NPRL3: variants seen among roughly 807,000 people sequenced by gnomAD.
NPRL3 encodes the protein NPR3 like, GATOR1 complex subunit, also known as GATOR1 complex protein NPRL3.
In NPRL3, 23 loss-of-function variants were observed where a neutral mutation model predicts 57.2. The ratio of observed to expected loss-of-function variants is 0.40; its 90% CI spans 0.29 to 0.57. The LOEUF is 0.57. NPRL3 is among the 20% of genes least tolerant of loss of function. NPRL3 has a pLI of 0.42. For synonymous variants in NPRL3, 333 were observed against 321.1 expected (o/e 1.04, Z -0.39); for missense variants, 691 against 767.1 (o/e 0.90, Z 1.17).
At chr16:138,106 G>GGCGGCCCCCGCGAGCGC in intron 2 of NPRL3, 44 bp downstream of exon 2, 1 of 1,487,800 alleles carries the variant, frequency 6.7e-7, no homozygotes, top group Non-Finnish European at 9.2e-7. Context: ...CCCGGAATGA[G>GGCGGCCCCCGCGAGCGC]GCGGCCCCCG....
intron 2 of NPRL3, among the ~76,000 whole-genome samples, chr16:133,608 C>G (rs994205518): frequency 3.9e-5 from 6 of 152,208 alleles, no homozygotes; most frequent in African/African-American, 1.4e-4. Flanking sequence ...TGGGCTCAAG[C>G]AATTTTCCTG....
chr16:95,395 A>G (rs1230057845), intron 9 of NPRL3, among the ~76,000 whole-genome samples: 1 of 150,512 alleles, frequency 6.6e-6, no homozygotes, highest in African/African-American at 2.4e-5. Flanking sequence ...AATAAAATGT[A>G]TATATACAGA....
intron 2 of NPRL3, among the ~76,000 whole-genome samples, chr16:133,837 C>T (rs1337282865): frequency 6.6e-6 from 1 of 152,162 alleles, no homozygotes; most frequent in East Asian, 1.9e-4. Flanking sequence ...CTTTATTTCA[C>T]TTGAACCCTT....
intron 10 of NPRL3, 173 bp from the exon 11 acceptor site, chr16:92,898 T>TC: frequency 1.3e-6 from 1 of 742,044 alleles, no homozygotes; most frequent in Non-Finnish European, 2.2e-6. Flanking sequence ...CCTGGGCACT[T>TC]CCCCTTGAGC....
chr16:129,311 G>A (rs1464123696), intron 3 of NPRL3, among the ~76,000 whole-genome samples: 1 of 152,126 alleles, frequency 6.6e-6, no homozygotes, highest in South Asian at 2.1e-4. Flanking sequence ...AGGGGCAAAA[G>A]CATTCTATAT....
At chr16:118,232 C>T (rs1596527890) in intron 4 of NPRL3, among the ~76,000 whole-genome samples, 2 of 149,730 alleles carry the variant, frequency 1.3e-5, no homozygotes, top group African/African-American at 5.1e-5. Context: ...CTGTGTTCGA[C>T]CCTTCAGAAT....
chr16:110,968 A>G (rs1022883237), intron 6 of NPRL3, among the ~76,000 whole-genome samples: 1 of 152,230 alleles, frequency 6.6e-6, no homozygotes, highest in Non-Finnish European at 1.5e-5. Context: ...ACATAGACTT[A>G]AAATAAAATT....
intron 7 of NPRL3, among the ~76,000 whole-genome samples, chr16:108,770 A>C (rs1899645067): frequency 6.6e-6 from 1 of 151,968 alleles, no homozygotes; most frequent in Admixed American, 6.6e-5. Flanking sequence ...TCCTAGATTT[A>C]AGTGATTCTT....
chr16:138,363 G>C, intron 1 of NPRL3, 29 bp from the exon 2 acceptor site: 1 of 987,404 alleles, frequency 1.0e-6, no homozygotes, highest in Non-Finnish European at 1.5e-6. Flanking sequence ...GAGGCGGAGG[G>C]GGCCTGAGGA....
chr16:132,433 C>T (rs1287419437), intron 2 of NPRL3, among the ~76,000 whole-genome samples: 1 of 152,202 alleles, frequency 6.6e-6, no homozygotes, highest in Non-Finnish European at 1.5e-5. Context: ...TTGCTATTTC[C>T]ACCATATCTG....
intron 13 of NPRL3, 48 bp downstream of exon 13, chr16:88,650 C>T: frequency 6.5e-7 from 1 of 1,537,136 alleles, no homozygotes; most frequent in African/African-American, 1.4e-5. Flanking sequence ...CACTTTCTGC[C>T]CTGACCCTGC....
Position 86,463 on chromosome 16 carries a change from C to T in NPRL3, c.*242G>A, listed in dbSNP as rs931410489. On this transcript the variant is annotated 3_prime_UTR_variant, in exon 14 of 14. Transcript: ENST00000611875. ...CCCCCCTCCAGCGTGGAGATGCCTA[C>T]GCGTGCGGCAAGGACTGGAGGGAAG... The T allele has an allele frequency of 1.4e-5, 7 of 501,862 alleles. No individual in the cohort carries two copies. Among genetic ancestry groups the T allele is most frequent in the East Asian group, 3.2e-5 (1 of 31,678 alleles). 31.1% of individuals were successfully genotyped at this position (501,862 alleles called of 1,614,324 possible).
intron 6 of NPRL3, among the ~76,000 whole-genome samples, chr16:111,477 C>G (rs1899811482): frequency 2.0e-5 from 3 of 151,558 alleles, no homozygotes; most frequent in African/African-American, 7.3e-5. Context: ...GAGACAGGGT[C>G]TCACTCTGTC....
chr16:134,153 T>A (rs150486876), intron 2 of NPRL3, among the ~76,000 whole-genome samples: 1 of 152,026 alleles, frequency 6.6e-6, no homozygotes, highest in Non-Finnish European at 1.5e-5. Context: ...CTGACAGACT[T>A]GCTGGACACA....
In NPRL3 at chr16:92,587, G is replaced by C. The variant is rs771260369; in HGVS notation, c.1161+9C>G. The C allele has an allele frequency of 4.3e-6, 7 of 1,612,452 alleles. No individual in the cohort carries two copies. Among genetic ancestry groups the C allele is most frequent in the Non-Finnish European group, 5.1e-6 (6 of 1,179,298 alleles). ...GCCACTCTGGGCTCCTTGAGCTTCT[G>C]TGACTCACCTCCTGCACAGCGGGGG... On this transcript the variant is annotated intron_variant, in intron 11 of 13. Coordinates refer to ENST00000611875, the MANE Select transcript of NPRL3 (RefSeq NM_001077350.3).
In NPRL3 at chr16:89,091, C is replaced by G; in HGVS notation, c.1352-201G>C. The G allele has an allele frequency of 5.0e-6, 3 of 594,890 alleles. No homozygotes were observed. In the South Asian group the frequency reaches 6.1e-5, roughly 12 times the overall value. The allele number at this position is 594,890 out of a possible 1,614,324, so 36.9% of individuals were successfully genotyped here. A position where few individuals can be genotyped will look rare whatever the true frequency, so the allele number is the denominator to read the frequency against. On this transcript the variant is annotated intron_variant, in intron 12 of 13. Coordinates refer to ENST00000611875, the MANE Select transcript of NPRL3 (RefSeq NM_001077350.3). ...TACGGCTGACTTGGGAAACGGGTAG[C>G]CTCCCCTCTGGGGGCAACCTCAAGG...
At chr16:109,190 C>T (rs753880461) in intron 7 of NPRL3, among the ~76,000 whole-genome samples, 5 of 151,942 alleles carry the variant, frequency 3.3e-5, no homozygotes, top group Non-Finnish European at 7.4e-5. Context: ...GCTGATCTTG[C>T]ACTTCTGACC....
rs947207150 is a variant in NPRL3 at position 85,949 on chromosome 16, C to T, written c.*756G>A. The T allele has an allele frequency of 1.9e-5, 14 of 748,064 alleles. No individual in the cohort carries two copies. The highest frequency in any genetic ancestry group is 4.4e-5 in the South Asian group (1 of 22,668). The allele number at this position is 748,064 out of a possible 1,614,324, so 46.3% of individuals were successfully genotyped here. On this transcript the variant is annotated 3_prime_UTR_variant, in exon 14 of 14. Coordinates refer to ENST00000611875, the MANE Select transcript of NPRL3 (RefSeq NM_001077350.3). ...GGGCCTGAGTACGTAGCGCCAGGCCCGGTGTGGATGCTGGGGAGAATCATC... is the reference window on the plus strand; with the variant it reads ...GGGCCTGAGTACGTAGCGCCAGGCCTGGTGTGGATGCTGGGGAGAATCATC...
intron 9 of NPRL3, among the ~76,000 whole-genome samples, chr16:96,044 G>A (rs1898991507): frequency 6.6e-6 from 1 of 152,238 alleles, no homozygotes; most frequent in South Asian, 2.1e-4. Flanking sequence ...AAGGGGTACA[G>A]ACAGAAGAAA....
Sources: allele counts gnomAD v4.1 joint callset (sites outside exome capture counted in the v4.1 genomes callset), GRCh38; gene constraint gnomAD v4.1.1; transcripts MANE v1.5; gene names NCBI Gene and HGNC (gene_info 2026-07-23, HGNC 2026-07-21).